The following GRIN2A variants were observed in gnomAD, a reference collection of about 807,000 sequenced individuals.
The protein encoded by GRIN2A is glutamate ionotropic receptor NMDA type subunit 2A.
GRIN2A carries 22 observed loss-of-function variants against 113.4 expected under a neutral mutation model. That is an observed-to-expected ratio of 0.19 (90% CI 0.14 to 0.28). The LOEUF is 0.28. Among genes scored for constraint, GRIN2A ranks in the 10% least tolerant of loss-of-function variants. The probability of loss-of-function intolerance (pLI) is 1.00; values close to 1 mark genes in which losing one functional copy is unlikely to be tolerated. For missense variants in GRIN2A, 1,502 were observed against 1,887.0 expected, an observed-to-expected ratio of 0.80 and a Z score of 3.78; for synonymous variants, 827 against 738.4, an observed-to-expected ratio of 1.12 and a Z score of -1.94.
intron 2 of GRIN2A, among the ~76,000 whole-genome samples, chr16:10,080,531 G>A (rs547116165): frequency 9.2e-5 from 14 of 152,268 alleles, no homozygotes; most frequent in Non-Finnish European, 1.8e-4. Flanking sequence ...GATCCCTCAG[G>A]CTAGGCTATT....
chr16:9,796,333 T>C (rs545574926), intron 11 of GRIN2A, among the ~76,000 whole-genome samples: 216 of 152,372 alleles, frequency 1.4e-3, no homozygotes, highest in African/African-American at 3.9e-3. Context: ...GTTCAGTGTT[T>C]TGTTGTAATG....
chr16:9,811,098 TATA>T (rs1390189810), intron 10 of GRIN2A, among the ~76,000 whole-genome samples: 5 of 152,198 alleles, frequency 3.3e-5, no homozygotes, highest in Non-Finnish European at 7.3e-5. Flanking sequence ...GAGATGTGTT[TATA>T]ATTTTACTGT....
chr16:9,790,901 T>C (rs150679841), intron 11 of GRIN2A, among the ~76,000 whole-genome samples: 131 of 152,330 alleles, frequency 8.6e-4, no homozygotes, highest in Non-Finnish European at 1.3e-3. Context: ...GGGGTGGACA[T>C]GGATAGCGTA....
chr16:9,996,024 C>CAAAAAAAAA (rs57133009), intron 2 of GRIN2A, among the ~76,000 whole-genome samples: 30 of 51,138 alleles, frequency 5.9e-4, no homozygotes, highest in East Asian at 1.3e-3. Context: ...CAGAGGGTGG[C>CAAAAAAAAA]AAAAAAAAAA....
intron 11 of GRIN2A, among the ~76,000 whole-genome samples, chr16:9,772,839 A>G (rs1295169063): frequency 6.6e-6 from 1 of 151,828 alleles, no homozygotes; most frequent in East Asian, 1.9e-4. Context: ...TTCAGGATGT[A>G]AATAAAAAGA....
chr16:10,100,735 T>A (rs955302895), intron 2 of GRIN2A, among the ~76,000 whole-genome samples: 3 of 152,254 alleles, frequency 2.0e-5, no homozygotes, highest in South Asian at 2.1e-4. Flanking sequence ...ATTCACTTTA[T>A]AACAATCAGT....
chr16:9,948,404 T>G (rs2045076045), intron 2 of GRIN2A, among the ~76,000 whole-genome samples: 1 of 152,156 alleles, frequency 6.6e-6, no homozygotes, highest in Non-Finnish European at 1.5e-5. Context: ...TTGCTGCTAG[T>G]CCATGGACCA....
chr16:9,917,860 G>A (rs1275510136), intron 3 of GRIN2A, among the ~76,000 whole-genome samples: 1 of 152,160 alleles, frequency 6.6e-6, no homozygotes, highest in Non-Finnish European at 1.5e-5. Context: ...CTCTTAATGA[G>A]ACTGTCGTTG....
At chr16:9,967,372 T>TATAAGTGGGAGCTA (rs1163211377) in intron 2 of GRIN2A, among the ~76,000 whole-genome samples, 2 of 152,110 alleles carry the variant, frequency 1.3e-5, no homozygotes, top group Admixed American at 6.5e-5. Context: ...TGTTCTCACT[T>TATAAGTGGGAGCTA]ATAAGTGGGA....
At chr16:10,019,631 C>A (rs2141892747) in intron 2 of GRIN2A, among the ~76,000 whole-genome samples, 1 of 152,314 alleles carries the variant, frequency 6.6e-6, no homozygotes, top group Middle Eastern at 3.4e-3. Context: ...TGCCGGGTAC[C>A]CCCAATGCCT....
chr16:9,939,291 A>C (rs2044797712), intron 2 of GRIN2A, among the ~76,000 whole-genome samples: 1 of 152,196 alleles, frequency 6.6e-6, no homozygotes, highest in Non-Finnish European at 1.5e-5. Context: ...CAGTCAGAGG[A>C]ATCCCGAGGA....
intron 8 of GRIN2A, among the ~76,000 whole-genome samples, chr16:9,830,242 T>C (rs1255574008): frequency 6.6e-6 from 1 of 152,198 alleles, no homozygotes; most frequent in South Asian, 2.1e-4. Context: ...CTTCCAACAC[T>C]TCACAGATGG....
intron 11 of GRIN2A, among the ~76,000 whole-genome samples, chr16:9,784,532 A>C (rs1231476561): frequency 1.3e-5 from 2 of 152,074 alleles, no homozygotes; most frequent in Non-Finnish European, 2.9e-5. Context: ...AGGCATGGGC[A>C]AGGACTTCAT....
At chr16:9,928,783 G>C (rs373110087) in intron 3 of GRIN2A, among the ~76,000 whole-genome samples, 3 of 152,096 alleles carry the variant, frequency 2.0e-5, no homozygotes, top group African/African-American at 7.2e-5. Flanking sequence ...GAGACCCAAA[G>C]CTTCATCACT....
chr16:10,019,193 C>T lies in GRIN2A; in HGVS notation c.415-80642G>A, dbSNP rs118179991. 1.6e-4 allele frequency among the ~76,000 whole-genome samples: 25 copies of T among 152,144 alleles called. No homozygotes were observed. The East Asian group carries it at 4.6e-3, about 28-fold the overall frequency. On this transcript the variant is annotated intron_variant, in intron 2 of 12. Coordinates refer to ENST00000330684, the MANE Select transcript of GRIN2A (RefSeq NM_001134407.3). ...TAACACTTCATTAGTAAAATAAGGACACTAACAGTACCTTCATGTGTGGCG... is the reference window on the plus strand; with the variant it reads ...TAACACTTCATTAGTAAAATAAGGATACTAACAGTACCTTCATGTGTGGCG...
intron 2 of GRIN2A, among the ~76,000 whole-genome samples, chr16:10,007,340 A>C (rs566192521): frequency 2.6e-5 from 4 of 152,332 alleles, no homozygotes; most frequent in Admixed American, 1.3e-4. Context: ...GGAGTGAGAT[A>C]ACTTATTGTA....
chr16:9,860,515 C>A (rs1318315789), intron 4 of GRIN2A, among the ~76,000 whole-genome samples: 3 of 146,646 alleles, frequency 2.0e-5, no homozygotes. Flanking sequence ...GGGGTTTTAT[C>A]TTTATCCTAT....
chr16:10,071,614 G>A (rs2047751851), intron 2 of GRIN2A, among the ~76,000 whole-genome samples: 1 of 152,194 alleles, frequency 6.6e-6, no homozygotes, highest in Middle Eastern at 3.2e-3. Flanking sequence ...GGAAGGCATT[G>A]TATAGAGGAC....
intron 2 of GRIN2A, among the ~76,000 whole-genome samples, chr16:10,125,268 CACA>C (rs1206430658): frequency 2.6e-5 from 4 of 152,184 alleles, no homozygotes; most frequent in Non-Finnish European, 4.4e-5. Flanking sequence ...ACCCTGGTGA[CACA>C]ACACCAGTAC....
Sources: allele counts gnomAD v4.1 joint callset (sites outside exome capture counted in the v4.1 genomes callset), GRCh38; gene constraint gnomAD v4.1.1; transcripts MANE v1.5; gene names NCBI Gene and HGNC (gene_info 2026-07-23, HGNC 2026-07-21).